Variants in BBS9 observed in about 807,000 individuals in gnomAD.
BBS9 encodes the protein Bardet-Biedl syndrome 9, also known as protein PTHB1.
A neutral mutation model predicts 117.7 loss-of-function variants in BBS9; 89 were observed. The ratio of observed to expected loss-of-function variants is 0.76; its 90% CI spans 0.64 to 0.90. The LOEUF (loss-of-function observed/expected upper bound fraction) is 0.90, where lower values mean the gene tolerates loss of function less well. Ranked by LOEUF, BBS9 falls within the 40% of genes least tolerant of loss-of-function variation. The pLI is 0.00. For synonymous variants in BBS9, 379 were observed against 370.9 expected (o/e 1.02, Z -0.25); for missense variants, 982 against 1,042.2 (o/e 0.94, Z 0.80).
rs59252892 is a variant in BBS9 at position 33,357,948 on chromosome 7, C to T, written c.1646C>T (p.Thr549Ile). The T allele has an allele frequency of 1.7e-3, 2,724 of 1,612,574 alleles. 42 individuals are homozygous for T. In the African/African-American group the frequency reaches 0.032, roughly 19 times the overall value. The change falls in exon 16 of 23, where the codon ACT (threonine) becomes ATT (isoleucine). Residue 549 changes from threonine (T) to isoleucine (I), a missense_variant. Thr to Ile is a moderately conservative substitution (Grantham distance 89). Coordinates refer to ENST00000242067, the MANE Select transcript of BBS9 (RefSeq NM_198428.3). ...QPSKTASHKI[T>I]IDTNKSPVSL... Reference sequence around the variant, plus strand: ...TCAAAAACTGCAAGCCACAAAATTACTATTGATACCAACAAATCTCCAGTC... The same window carrying T: ...TCAAAAACTGCAAGCCACAAAATTATTATTGATACCAACAAATCTCCAGTC...
rs527489093 is a variant in BBS9 at position 33,466,923 on chromosome 7, G to A, written c.2116-38540G>A. On this transcript the variant is annotated intron_variant, in intron 19 of 22. Transcript: ENST00000242067. ...AGTGGTATACACAGAGGTCAAGGGT[G>A]AGCCGGTTTCTGATGTAGCTTCCCA... 3.9e-5 allele frequency among the ~76,000 whole-genome samples: 6 copies of A among 152,158 alleles called. No homozygotes were observed. In the South Asian group the frequency reaches 1.2e-3, roughly 32 times the overall value.
chr7:33,580,272 G>A (rs532105280), intron 21 of BBS9, among the ~76,000 whole-genome samples: 1 of 151,410 alleles, frequency 6.6e-6, no homozygotes, highest in African/African-American at 2.4e-5. Context: ...CAATTAGCCC[G>A]GGTAACATGG....
chr7:33,432,290 T>TA (rs1701493029), intron 19 of BBS9, among the ~76,000 whole-genome samples: 1 of 151,116 alleles, frequency 6.6e-6, no homozygotes, highest in Non-Finnish European at 1.5e-5. Flanking sequence ...TTTTTTTTTT[T>TA]AGTAGAGACG....
At chr7:33,384,713 T>TGAGA (rs1194021283) in intron 18 of BBS9, among the ~76,000 whole-genome samples, 3 of 136,306 alleles carry the variant, frequency 2.2e-5, no homozygotes, top group African/African-American at 8.5e-5. Context: ...TGTGTGTGTG[T>TGAGA]GTGAGAGAGA....
chr7:33,436,718 C>T (rs76789178), intron 19 of BBS9, among the ~76,000 whole-genome samples: 342 of 152,286 alleles, frequency 2.2e-3, no homozygotes, highest in African/African-American at 8.1e-3. Context: ...GTTGCAATTA[C>T]TTGACTACAC....
At chr7:33,218,177 A>C (rs1327591941) in intron 5 of BBS9, among the ~76,000 whole-genome samples, 1 of 152,218 alleles carries the variant, frequency 6.6e-6, no homozygotes, top group African/African-American at 2.4e-5. Flanking sequence ...TTTAATTACA[A>C]CTGTATATAG....
chr7:33,510,295 CT>C (rs1846747582), intron 20 of BBS9, among the ~76,000 whole-genome samples: 1 of 151,864 alleles, frequency 6.6e-6, no homozygotes, highest in Non-Finnish European at 1.5e-5. Flanking sequence ...TTAAACATGT[CT>C]CGATTGACCC....
chr7:33,594,607 C>G (rs1463790686), intron 21 of BBS9, among the ~76,000 whole-genome samples: 1 of 151,962 alleles, frequency 6.6e-6, no homozygotes, highest in Non-Finnish European at 1.5e-5. Flanking sequence ...GGTTTTGCCT[C>G]TATATGACAA....
intron 5 of BBS9, among the ~76,000 whole-genome samples, chr7:33,223,597 C>T (rs1439924633): frequency 2.0e-5 from 3 of 152,196 alleles, no homozygotes; most frequent in Non-Finnish European, 4.4e-5. Flanking sequence ...ACCCCCAAGA[C>T]TTAGGAATGT....
intron 4 of BBS9, among the ~76,000 whole-genome samples, chr7:33,172,403 A>C (rs1470768947): frequency 6.6e-6 from 1 of 152,002 alleles, no homozygotes; most frequent in Non-Finnish European, 1.5e-5. Context: ...ATAAAAAAAA[A>C]AAATGAAAAG....
chr7:33,225,750 T>C (rs1210403896), intron 5 of BBS9, among the ~76,000 whole-genome samples: 1 of 147,204 alleles, frequency 6.8e-6, no homozygotes, highest in Admixed American at 7.1e-5. Flanking sequence ...ACAGTGTGGG[T>C]GCTGGTGGTG....
In BBS9 at chr7:33,383,856, C is replaced by G. The variant is rs750279672; in HGVS notation, c.1962+18C>G. On this transcript the variant is annotated intron_variant, in intron 18 of 22. Coordinates refer to ENST00000242067, the MANE Select transcript of BBS9 (RefSeq NM_198428.3). ...ATTTTGAGGTATGTATGATCATAAC[C>G]CACATCATCTATAATCCTTAAATAT... 6 of 1,604,612 alleles carry G rather than the reference C, an allele frequency of 3.7e-6. No individual in the cohort carries two copies. Among genetic ancestry groups the G allele is most frequent in the Non-Finnish European group, 5.1e-6 (6 of 1,174,132 alleles).
intron 19 of BBS9, among the ~76,000 whole-genome samples, chr7:33,487,714 A>G (rs1247392476): frequency 6.6e-6 from 1 of 152,080 alleles, no homozygotes; most frequent in Non-Finnish European, 1.5e-5. Context: ...CATCCCAGTA[A>G]TTCTGATGAG....
chr7:33,573,869 C>T (rs1858253262), intron 21 of BBS9, among the ~76,000 whole-genome samples: 1 of 152,064 alleles, frequency 6.6e-6, no homozygotes, highest in Admixed American at 6.6e-5. Context: ...AGGTTGGCTA[C>T]TTAGTTGTTC....
intron 5 of BBS9, among the ~76,000 whole-genome samples, chr7:33,254,234 CT>C (rs749037432): frequency 2.2e-4 from 33 of 152,206 alleles, no homozygotes; most frequent in Non-Finnish European, 3.5e-4. Context: ...TTACCACTTT[CT>C]TTTTTTCTGG....
At chr7:33,404,960 A>G (rs1342976892) in intron 19 of BBS9, among the ~76,000 whole-genome samples, 2 of 152,152 alleles carry the variant, frequency 1.3e-5, no homozygotes, top group African/African-American at 2.4e-5. Context: ...TTGCCCATTC[A>G]GTATGATATT....
At chr7:33,142,714 A>G (rs1054039116) in intron 1 of BBS9, among the ~76,000 whole-genome samples, 3 of 152,088 alleles carry the variant, frequency 2.0e-5, no homozygotes, top group East Asian at 3.9e-4. Flanking sequence ...TTTACTTAAC[A>G]TGATGTCCTC....
chr7:33,309,039 T>C (rs1808626818), intron 9 of BBS9, among the ~76,000 whole-genome samples: 1 of 152,194 alleles, frequency 6.6e-6, no homozygotes, highest in Admixed American at 6.5e-5. Flanking sequence ...TTTGAGCCAA[T>C]CTGTCACTTC....
chr7:33,545,229 C>T (rs1359429423), intron 21 of BBS9, among the ~76,000 whole-genome samples: 1 of 152,152 alleles, frequency 6.6e-6, no homozygotes, highest in Non-Finnish European at 1.5e-5. Context: ...TGTCCCTAGC[C>T]TTTCTTGTTC....
Sources: gnomAD v4.1 joint callset for allele counts (sites outside exome capture counted in the v4.1 genomes callset) on GRCh38, gnomAD v4.1.1 for gene constraint, MANE v1.5 for transcripts, NCBI Gene and HGNC (gene_info 2026-07-23, HGNC 2026-07-21) for gene names.